Variants in RANBP2 observed in about 807,000 individuals in gnomAD.
RANBP2 encodes E3 SUMO-protein ligase RanBP2.
RANBP2 carries 57 observed loss-of-function variants against 303.6 expected under a neutral mutation model. The observed-to-expected ratio is 0.19, with a 90% CI of 0.15 to 0.23. The LOEUF (loss-of-function observed/expected upper bound fraction) is 0.23, where lower values mean the gene tolerates loss of function less well. Among genes scored for constraint, RANBP2 ranks in the 10% least tolerant of loss-of-function variants. The pLI is 1.00. For missense variants in RANBP2, 3,138 were observed against 3,780.8 expected (o/e 0.83, Z 4.46); for synonymous variants, 1,167 against 1,301.5 (o/e 0.90, Z 2.23).
chr2:109,158,425 C>T, the RANBP2 span, among the ~76,000 whole-genome samples: 1 of 152,156 alleles, frequency 6.6e-6, no homozygotes, highest in Non-Finnish European at 1.5e-5. Flanking sequence ...GGTCATTGGG[C>T]ACCATCCTGG....
the RANBP2 span, among the ~76,000 whole-genome samples, chr2:108,968,509 C>T: frequency 6.6e-6 from 1 of 152,144 alleles, no homozygotes; most frequent in Non-Finnish European, 1.5e-5. Flanking sequence ...AATATTCTGG[C>T]TTGTTGAGAA....
chr2:109,055,864 A>T, the RANBP2 span, among the ~76,000 whole-genome samples: 1 of 148,206 alleles, frequency 6.7e-6, no homozygotes, highest in Non-Finnish European at 1.5e-5. Flanking sequence ...GGGTTCAAGC[A>T]ATTCTCTGCT....
At chr2:109,424,026 A>C in the RANBP2 span, among the ~76,000 whole-genome samples, 1 of 152,168 alleles carries the variant, frequency 6.6e-6, no homozygotes, top group Non-Finnish European at 1.5e-5. Flanking sequence ...GTTGCAGTGG[A>C]GGGAAGGAGC....
chr2:108,809,822 T>C, the RANBP2 span, among the ~76,000 whole-genome samples: 2 of 139,018 alleles, frequency 1.4e-5, no homozygotes, highest in Non-Finnish European at 3.2e-5. Flanking sequence ...GTTTGTTTGT[T>C]TGTGATGGAG....
chr2:109,241,624 G>A, the RANBP2 span, among the ~76,000 whole-genome samples: 1 of 152,050 alleles, frequency 6.6e-6, no homozygotes, highest in South Asian at 2.1e-4. Context: ...TGCTGGGAGG[G>A]CCCCTGGGAC....
the RANBP2 span, among the ~76,000 whole-genome samples, chr2:109,312,907 G>A: frequency 6.6e-6 from 1 of 152,110 alleles, no homozygotes; most frequent in Non-Finnish European, 1.5e-5. Flanking sequence ...GCTGGGTCAC[G>A]TGGTCATCCT....
chr2:108,885,626 A>AT, the RANBP2 span: 1 of 152,196 alleles, frequency 6.6e-6, no homozygotes, highest in Admixed American at 6.5e-5. Flanking sequence ...CCACACGGGT[A>AT]TTTGGGGTGT....
the RANBP2 span, among the ~76,000 whole-genome samples, chr2:109,731,078 G>A: frequency 4.6e-5 from 7 of 152,008 alleles, no homozygotes; most frequent in Admixed American, 6.6e-5. Flanking sequence ...GTGAGCCACC[G>A]CGCCCGGCCA....
chr2:108,825,275 TTTG>T, the RANBP2 span, among the ~76,000 whole-genome samples: 2 of 26,134 alleles, frequency 7.7e-5, no homozygotes, highest in Non-Finnish European at 2.5e-4. Context: ...TGGTGGGTTT[TTTG>T]TTTGTTTGTT....
At chr2:109,307,358 T>C in the RANBP2 span, among the ~76,000 whole-genome samples, 1 of 152,128 alleles carries the variant, frequency 6.6e-6, no homozygotes, top group East Asian at 1.9e-4. Flanking sequence ...AGGGGAACAA[T>C]TTGTGGGCAA....
chr2:109,483,086 T>G, the RANBP2 span, among the ~76,000 whole-genome samples: 1 of 152,234 alleles, frequency 6.6e-6, no homozygotes, highest in Admixed American at 6.5e-5. Context: ...CATATTTATA[T>G]TGTTATAAAC....
intron 7 of RANBP2, among the ~76,000 whole-genome samples, chr2:108,741,333 A>T (rs1159334613): frequency 2.0e-5 from 3 of 150,792 alleles, no homozygotes; most frequent in Non-Finnish European, 4.4e-5. Flanking sequence ...AGTAGCTGGG[A>T]CTACAGGCCC....
chr2:109,389,443 G>T, the RANBP2 span, among the ~76,000 whole-genome samples: 1 of 152,228 alleles, frequency 6.6e-6, no homozygotes, highest in African/African-American at 2.4e-5. Flanking sequence ...ATGAGTGTGT[G>T]AGCCTAGAGA....
At chr2:109,703,844 C>T in the RANBP2 span, among the ~76,000 whole-genome samples, 2 of 152,198 alleles carry the variant, frequency 1.3e-5, no homozygotes, top group East Asian at 1.9e-4. Context: ...ACTTTGCAAA[C>T]GTCCTCCCTC....
In RANBP2 at chr2:108,735,741, G is replaced by A. The variant is rs1223310052; in HGVS notation, c.615G>A (p.Ser205=). The change falls in exon 5 of 29, where the codon TCG becomes TCA. Residue 205 remains serine (S), a synonymous_variant. Transcript: ENST00000283195. ...TGCGTTCAAGTTTAGAATGGAATTC[G>A]TGTGTTGTACAGACCCTTAAGGTAG... ...IALRSSLEWN[S]CVVQTLKEYL... is the part of the protein sequence containing the mutation. 2.1e-5 allele frequency: 33 copies of A among 1,597,468 alleles called. No homozygotes were observed. The highest frequency in any genetic ancestry group is 4.5e-5 in the East Asian group (2 of 44,892).
chr2:109,648,676 C>A, the RANBP2 span, among the ~76,000 whole-genome samples: 9 of 132,686 alleles, frequency 6.8e-5, no homozygotes, highest in African/African-American at 2.6e-4. Flanking sequence ...TTTTCTGAGA[C>A]GGAGTCTTGC....
the RANBP2 span, among the ~76,000 whole-genome samples, chr2:109,610,884 A>C: frequency 7.9e-5 from 12 of 152,342 alleles, no homozygotes; most frequent in African/African-American, 2.9e-4. Context: ...AAACTTACAC[A>C]GAGAGGCACA....
the RANBP2 span, among the ~76,000 whole-genome samples, chr2:109,602,680 T>TA: frequency 0.036 from 3,403 of 95,054 alleles, 52 homozygotes; most frequent in South Asian, 0.082. Flanking sequence ...CATCTCAAAT[T>TA]AAAAAAAAAA....
chr2:108,856,810 G>A, the RANBP2 span: 1 of 1,613,106 alleles, frequency 6.2e-7, no homozygotes, highest in East Asian at 2.2e-5. Context: ...ACCTGGCTCA[G>A]GCATTTGATT....
Sources: gnomAD v4.1 joint callset for allele counts (sites outside exome capture counted in the v4.1 genomes callset) on GRCh38, gnomAD v4.1.1 for gene constraint, MANE v1.5 for transcripts, NCBI Gene and HGNC (gene_info 2026-07-23, HGNC 2026-07-21) for gene names.